Variants in ANKFN1 observed in about 807,000 individuals in gnomAD.
ANKFN1 encodes the protein ankyrin repeat and fibronectin type III domain containing 1, also known as ankyrin repeat and fibronectin type-III domain-containing protein 1.
Under a neutral mutation model 108.7 loss-of-function variants are expected in ANKFN1, and 74 were observed. That is an observed-to-expected ratio of 0.68 (90% CI 0.56 to 0.83). The LOEUF (loss-of-function observed/expected upper bound fraction) is 0.83. Among genes scored for constraint, ANKFN1 ranks in the 40% least tolerant of loss-of-function variants. ANKFN1 has a pLI of 0.00. For synonymous variants in ANKFN1, 547 were observed against 516.2 expected (o/e 1.06, Z -0.81); for missense variants, 1,505 against 1,382.3 (o/e 1.09, Z -1.41).
At chr17:56,236,515 T>TA (rs1308812475) in intron 3 of ANKFN1, among the ~76,000 whole-genome samples, 4 of 152,180 alleles carry the variant, frequency 2.6e-5, no homozygotes, top group African/African-American at 9.7e-5. Context: ...TGTATAGGAA[T>TA]ACTAGTGGTT....
intron 2 of ANKFN1, among the ~76,000 whole-genome samples, chr17:56,218,714 C>G (rs1053930041): frequency 6.6e-6 from 1 of 152,142 alleles, no homozygotes; most frequent in Admixed American, 6.5e-5. Context: ...CTCAAATTCC[C>G]TTGGAATAAA....
intron 3 of ANKFN1, among the ~76,000 whole-genome samples, chr17:56,310,681 C>T (rs1269490469): frequency 6.6e-6 from 1 of 151,416 alleles, no homozygotes; most frequent in African/African-American, 2.4e-5. Flanking sequence ...ATTCCATGTT[C>T]TGATATATAT....
chr17:56,061,043 G>A (rs992365721), intron 4 of ANKFN1, among the ~76,000 whole-genome samples: 1 of 152,114 alleles, frequency 6.6e-6, no homozygotes. Context: ...GAAGGATTTG[G>A]CTGTGAATCT....
At chr17:56,472,833 A>T (rs938847286) in intron 15 of ANKFN1, 2 of 152,240 alleles carry the variant, frequency 1.3e-5, no homozygotes, top group African/African-American at 4.8e-5. Context: ...TGGCTGAGCC[A>T]TGAGGGTAGT....
intron 1 of ANKFN1, among the ~76,000 whole-genome samples, chr17:56,197,367 G>T (rs977939957): frequency 6.6e-6 from 1 of 152,286 alleles, no homozygotes; most frequent in East Asian, 1.9e-4. Context: ...TATGCTAGGC[G>T]TGGAGTTTAA....
chr17:56,353,795 G>C, intron 5 of ANKFN1, 41 bp from the exon 6 acceptor site: 3 of 1,583,438 alleles, frequency 1.9e-6, no homozygotes, highest in Non-Finnish European at 2.6e-6. Flanking sequence ...AAGACACACT[G>C]GTTTAAGAAA....
At chr17:56,137,567 A>T (rs1053911105) in intron 4 of ANKFN1, among the ~76,000 whole-genome samples, 4 of 152,164 alleles carry the variant, frequency 2.6e-5, no homozygotes, top group Non-Finnish European at 5.9e-5. Context: ...GATATTGCCT[A>T]TCAAGGGTAG....
intron 2 of ANKFN1, among the ~76,000 whole-genome samples, chr17:56,223,974 TAGAC>T (rs1273796709): frequency 6.6e-6 from 1 of 152,226 alleles, no homozygotes; most frequent in Admixed American, 6.5e-5. Flanking sequence ...CCTTGAGACT[TAGAC>T]AGATTAAGTA....
chr17:56,155,053 G>A (rs1478124675), intron 1 of ANKFN1, among the ~76,000 whole-genome samples: 1 of 152,186 alleles, frequency 6.6e-6, no homozygotes, highest in Non-Finnish European at 1.5e-5. Flanking sequence ...AACCCTGGGG[G>A]ATAGGAGGGT....
chr17:56,081,446 G>A (rs1211691615), intron 4 of ANKFN1, among the ~76,000 whole-genome samples: 1 of 152,104 alleles, frequency 6.6e-6, no homozygotes, highest in Non-Finnish European at 1.5e-5. Flanking sequence ...TCCACCTCAA[G>A]GGTTCAAGCA....
chr17:56,190,730 C>T (rs370152848), intron 1 of ANKFN1, among the ~76,000 whole-genome samples: 17 of 142,018 alleles, frequency 1.2e-4, no homozygotes, highest in East Asian at 4.2e-4. Context: ...CTATTAGGTC[C>T]GCTTGGTGCA....
At chr17:56,074,381 G>C (rs1905156763) in intron 4 of ANKFN1, among the ~76,000 whole-genome samples, 1 of 152,232 alleles carries the variant, frequency 6.6e-6, no homozygotes, top group Non-Finnish European at 1.5e-5. Flanking sequence ...CATGGAGCGA[G>C]ACCCCTCTGA....
chr17:56,174,125 G>A, intron 1 of ANKFN1: 2 of 930,610 alleles, frequency 2.1e-6, no homozygotes, highest in Non-Finnish European at 2.6e-6. Flanking sequence ...CATTGTGGGT[G>A]GTGCAGTTGG....
chr17:56,296,730 G>A (rs908385812), intron 3 of ANKFN1, among the ~76,000 whole-genome samples: 3 of 152,110 alleles, frequency 2.0e-5, no homozygotes, highest in African/African-American at 7.2e-5. Context: ...CAAAACGGCT[G>A]TGAAGCGCAT....
chr17:56,275,243 G>C (rs556689098), intron 3 of ANKFN1, among the ~76,000 whole-genome samples: 2 of 152,076 alleles, frequency 1.3e-5, no homozygotes, highest in East Asian at 3.9e-4. Flanking sequence ...CACAGAAGAG[G>C]ATTTAACCCT....
chr17:56,173,551 CT>C (rs375466872), intron 1 of ANKFN1, among the ~76,000 whole-genome samples: 189 of 148,244 alleles, frequency 1.3e-3, no homozygotes, highest in Middle Eastern at 6.9e-3. Flanking sequence ...ATTTTTGGCT[CT>C]TTTTTTTTTA....
intron 4 of ANKFN1, among the ~76,000 whole-genome samples, chr17:56,080,921 G>T (rs17759134): frequency 1.3e-5 from 2 of 151,998 alleles, no homozygotes; most frequent in Non-Finnish European, 2.9e-5. Flanking sequence ...GGCTTATCAC[G>T]CAATCCCTCC....
chr17:56,322,560 A>G (rs1400264327), intron 3 of ANKFN1, among the ~76,000 whole-genome samples: 1 of 152,116 alleles, frequency 6.6e-6, no homozygotes, highest in Non-Finnish European at 1.5e-5. Flanking sequence ...GACCAATTCC[A>G]TCAGCTCTTC....
At chr17:56,429,750 G>A (rs1406320121) in intron 8 of ANKFN1, among the ~76,000 whole-genome samples, 3 of 152,126 alleles carry the variant, frequency 2.0e-5, no homozygotes, top group South Asian at 2.1e-4. Flanking sequence ...GATTGGTGGG[G>A]GTATGAATAA....
Sources: allele counts gnomAD v4.1 joint callset (sites outside exome capture counted in the v4.1 genomes callset), GRCh38; gene constraint gnomAD v4.1.1; transcripts MANE v1.5; gene names NCBI Gene and HGNC (gene_info 2026-07-23, HGNC 2026-07-21).